The following HSDL2 variants were observed in gnomAD, a reference collection of about 807,000 sequenced individuals.
HSDL2 encodes the protein hydroxysteroid dehydrogenase like 2.
HSDL2 carries 27 observed loss-of-function variants against 46.3 expected under a neutral mutation model. That is an observed-to-expected ratio of 0.58 (90% CI 0.43 to 0.80). The LOEUF (loss-of-function observed/expected upper bound fraction) is 0.80, where lower values mean the gene tolerates loss of function less well. Ranked by LOEUF, HSDL2 falls within the 30% of genes least tolerant of loss-of-function variation. The pLI is 0.00. For missense variants in HSDL2, 451 were observed against 502.7 expected (o/e 0.90, Z 0.98); for synonymous variants, 153 against 163.6 (o/e 0.94, Z 0.50).
chr9:112,407,224 A>G (rs1240024374), intron 3 of HSDL2, among the ~76,000 whole-genome samples: 1 of 152,212 alleles, frequency 6.6e-6, no homozygotes, highest in African/African-American at 2.4e-5. Flanking sequence ...TCCAACTGAT[A>G]GGGCGCTAAA....
intron 9 of HSDL2, among the ~76,000 whole-genome samples, chr9:112,455,085 C>T (rs1832984662): frequency 6.6e-6 from 1 of 152,068 alleles, no homozygotes; most frequent in African/African-American, 2.4e-5. Flanking sequence ...TAAGAACTAG[C>T]TGCCAGGGAT....
intron 1 of HSDL2, among the ~76,000 whole-genome samples, chr9:112,394,626 C>T (rs1831418442): frequency 6.6e-6 from 1 of 152,080 alleles, no homozygotes; most frequent in Non-Finnish European, 1.5e-5. Context: ...TGGGGTATCT[C>T]CTATTACTCC....
At chr9:112,419,499 T>C (rs997538937) in intron 6 of HSDL2, among the ~76,000 whole-genome samples, 3 of 152,158 alleles carry the variant, frequency 2.0e-5, no homozygotes, top group African/African-American at 7.2e-5. Context: ...TGTAGGAACA[T>C]TGACCACCGG....
At chr9:112,419,528 T>C (rs950613689) in intron 6 of HSDL2, among the ~76,000 whole-genome samples, 1 of 152,228 alleles carries the variant, frequency 6.6e-6, no homozygotes, top group Non-Finnish European at 1.5e-5. Flanking sequence ...AAGAATCTTT[T>C]GAAGGCCAAC....
chr9:112,395,344 C>T (rs1363464667), intron 1 of HSDL2, among the ~76,000 whole-genome samples: 1 of 152,180 alleles, frequency 6.6e-6, no homozygotes, highest in East Asian at 1.9e-4. Flanking sequence ...AAGTTTAAGT[C>T]TTCTAGTGGG....
chr9:112,421,043 T>A (rs970336116), intron 6 of HSDL2, among the ~76,000 whole-genome samples: 3 of 152,198 alleles, frequency 2.0e-5, no homozygotes, highest in African/African-American at 4.8e-5. Flanking sequence ...TTTAAAAATG[T>A]AACAGGCCAG....
At chr9:112,446,960 G>A (rs556042848) in intron 8 of HSDL2, among the ~76,000 whole-genome samples, 1 of 152,214 alleles carries the variant, frequency 6.6e-6, no homozygotes, top group Non-Finnish European at 1.5e-5. Context: ...CGGGTGGGCA[G>A]AGGTATTCTT....
chr9:112,451,293 C>T (rs1397754585), intron 8 of HSDL2, among the ~76,000 whole-genome samples: 1 of 152,158 alleles, frequency 6.6e-6, no homozygotes, highest in African/African-American at 2.4e-5. Flanking sequence ...CATTCACTTA[C>T]ACTGGTGTAC....
chr9:112,381,486 T>G (rs909182521), intron 1 of HSDL2, among the ~76,000 whole-genome samples: 1 of 152,150 alleles, frequency 6.6e-6, no homozygotes, highest in Non-Finnish European at 1.5e-5. Flanking sequence ...CCCGAGTAGC[T>G]GGGACTTCAG....
chr9:112,419,997 T>G (rs1564116477), intron 6 of HSDL2, among the ~76,000 whole-genome samples: 1 of 152,192 alleles, frequency 6.6e-6, no homozygotes, highest in Non-Finnish European at 1.5e-5. Context: ...CATTTTTCCA[T>G]GTACTAGTGG....
intron 6 of HSDL2, among the ~76,000 whole-genome samples, chr9:112,429,534 T>G (rs1431548295): frequency 6.6e-6 from 1 of 152,218 alleles, no homozygotes; most frequent in Non-Finnish European, 1.5e-5. Context: ...TAAATTTTAT[T>G]CATACAATAA....
intron 8 of HSDL2, among the ~76,000 whole-genome samples, chr9:112,453,613 G>A (rs1164706347): frequency 2.6e-5 from 4 of 151,966 alleles, no homozygotes; most frequent in African/African-American, 7.3e-5. Flanking sequence ...GGCTGGTCTC[G>A]AACTCCTGGG....
At chr9:112,466,358 G>C (rs1236689647) in intron 10 of HSDL2, among the ~76,000 whole-genome samples, 1 of 152,132 alleles carries the variant, frequency 6.6e-6, no homozygotes, top group African/African-American at 2.4e-5. Flanking sequence ...TTCGAGACCA[G>C]CCTGGCCAAC....
chr9:112,394,438 C>T (rs1030921821), intron 1 of HSDL2, among the ~76,000 whole-genome samples: 6 of 152,256 alleles, frequency 3.9e-5, no homozygotes, highest in East Asian at 1.9e-4. Flanking sequence ...CATCCTCTTC[C>T]GCCAGAGGAG....
intron 6 of HSDL2, chr9:112,433,797 T>A: frequency 6.6e-6 from 1 of 152,326 alleles, no homozygotes. Flanking sequence ...AGAAGTAATC[T>A]CCCAACATTA....
rs201839384 is a variant in HSDL2, at chr9:112,381,199, G to GT, written c.17+1027dup. Among the ~76,000 whole-genome samples, 115 of 150,996 alleles carry GT rather than the reference G, an allele frequency of 7.6e-4. 3 individuals are homozygous for GT. The highest frequency in any genetic ancestry group is 7.6e-3 in the East Asian group (39 of 5,148). ...GTATGTCTTGGGACATTCTTTCTTTGTTTTTTTTAAAGACGGGGTCTCCCA... is the reference window on the plus strand; with the variant it reads ...GTATGTCTTGGGACATTCTTTCTTTGTTTTTTTTTAAAGACGGGGTCTCCCA... On this transcript the variant is annotated intron_variant, in intron 1 of 10. Transcript: ENST00000398805.
intron 6 of HSDL2, among the ~76,000 whole-genome samples, chr9:112,421,720 T>C (rs1190982562): frequency 6.6e-6 from 1 of 152,162 alleles, no homozygotes; most frequent in Non-Finnish European, 1.5e-5. Context: ...TTTGAAAACA[T>C]TTCTACTGAT....
At chr9:112,451,199 A>C (rs537474155) in intron 8 of HSDL2, among the ~76,000 whole-genome samples, 1 of 152,314 alleles carries the variant, frequency 6.6e-6, no homozygotes, top group South Asian at 2.1e-4. Context: ...CAGACCAAAA[A>C]AAATAGATAA....
Position 112,416,252 on chromosome 9 carries a change from G to GA in HSDL2, c.396-579dup, listed in dbSNP as rs199555335. ...TAGCAAGACCCTGTTTCTAAAAAAA[G>GA]AAAAAAAAAATTACAAAAACTATCC... On this transcript the variant is annotated intron_variant, in intron 4 of 10. Coordinates refer to ENST00000398805, the MANE Select transcript of HSDL2 (RefSeq NM_032303.5). Among the ~76,000 whole-genome samples, 574 of 147,954 alleles carry GA rather than the reference G, an allele frequency of 3.9e-3. 25 individuals are homozygous for GA. The East Asian group carries it at 0.096, about 25-fold the overall frequency.
Sources: gnomAD v4.1 joint callset for allele counts (sites outside exome capture counted in the v4.1 genomes callset) on GRCh38, gnomAD v4.1.1 for gene constraint, MANE v1.5 for transcripts, NCBI Gene and HGNC (gene_info 2026-07-23, HGNC 2026-07-21) for gene names.